Variants in PXDNL observed in about 807,000 individuals in gnomAD.
PXDNL encodes the protein peroxidasin like.
PXDNL carries 145 observed loss-of-function variants against 150.8 expected under a neutral mutation model. The ratio of observed to expected loss-of-function variants is 0.96; its 90% CI spans 0.84 to 1.10. The LOEUF (loss-of-function observed/expected upper bound fraction) is 1.10, where lower values mean the gene tolerates loss of function less well. Among genes scored for constraint, PXDNL ranks in the 50% least tolerant of loss-of-function variants. The pLI, the probability that PXDNL is intolerant of heterozygous loss-of-function variation, is 0.00. For missense variants in PXDNL, 2,087 were observed against 1,873.9 expected (o/e 1.11, Z -2.10); for synonymous variants, 757 against 725.7 (o/e 1.04, Z -0.69).
At chr8:51,403,897 G>C (rs780771754) in intron 17 of PXDNL, among the ~76,000 whole-genome samples, 9 of 152,208 alleles carry the variant, frequency 5.9e-5, no homozygotes, top group Admixed American at 5.9e-4. Context: ...AGGTCTTAAA[G>C]GTGGTGTGTC....
chr8:51,564,210 A>G (rs1812768272), intron 3 of PXDNL, among the ~76,000 whole-genome samples: 1 of 152,158 alleles, frequency 6.6e-6, no homozygotes, highest in South Asian at 2.1e-4. Context: ...AAAGTATATG[A>G]CACAATGTTT....
At chr8:51,583,702 T>C (rs1331133867) in intron 3 of PXDNL, among the ~76,000 whole-genome samples, 4 of 152,288 alleles carry the variant, frequency 2.6e-5, no homozygotes, top group Admixed American at 1.3e-4. Flanking sequence ...ATGGTAGGTG[T>C]TTATTACATT....
intron 3 of PXDNL, among the ~76,000 whole-genome samples, chr8:51,591,553 C>T (rs1813444232): frequency 7.3e-6 from 1 of 137,006 alleles, no homozygotes. Context: ...GAATAATTAA[C>T]TTTTTAGCAG....
intron 1 of PXDNL, among the ~76,000 whole-genome samples, chr8:51,743,105 G>T (rs2036924414): frequency 6.6e-6 from 1 of 151,528 alleles, no homozygotes; most frequent in African/African-American, 2.4e-5. Context: ...AAATTATTTT[G>T]CCATCTCATT....
At chr8:51,573,464 G>A (rs528098152) in intron 3 of PXDNL, among the ~76,000 whole-genome samples, 1 of 152,000 alleles carries the variant, frequency 6.6e-6, no homozygotes, top group Non-Finnish European at 1.5e-5. Context: ...ATGAAGCAGT[G>A]ATGATGCCAC....
In PXDNL at chr8:51,607,936, AAGAG is replaced by A. The variant is rs1345157613; in HGVS notation, c.237-15242_237-15239del. On this transcript the variant is annotated intron_variant, in intron 2 of 22. Coordinates refer to ENST00000356297, the MANE Select transcript of PXDNL (RefSeq NM_144651.5). The stretch of plus-strand genomic sequence containing the variant: ...AGGGAAGGAAGGAAGGAAAGAAAGA[AAGAG>A]AGAGAAAGAAGAAAGAAATAAAGAG... 3.7e-5 allele frequency among the ~76,000 whole-genome samples: 5 copies of A among 136,528 alleles called. 1 individual carries two copies. Among genetic ancestry groups the A allele is most frequent in the African/African-American group, 1.3e-4 (4 of 31,774 alleles). 89.6% of individuals were successfully genotyped at this position (136,528 alleles called of 152,430 possible).
At chr8:51,400,978 C>T (rs1808229522) in intron 17 of PXDNL, among the ~76,000 whole-genome samples, 1 of 152,162 alleles carries the variant, frequency 6.6e-6, no homozygotes, top group Admixed American at 6.5e-5. Flanking sequence ...GAGTCTCACC[C>T]AAGCATGTCC....
intron 19 of PXDNL, among the ~76,000 whole-genome samples, chr8:51,356,266 A>C (rs1210657851): frequency 6.6e-6 from 1 of 152,194 alleles, no homozygotes; most frequent in East Asian, 1.9e-4. Flanking sequence ...AGGAGGGCAG[A>C]TCACCTGAGG....
chr8:51,500,029 G>T (rs1013545722), intron 4 of PXDNL, among the ~76,000 whole-genome samples: 2 of 152,038 alleles, frequency 1.3e-5, no homozygotes, highest in Admixed American at 6.6e-5. Context: ...TTCCCAGGGA[G>T]CCTCTTGAGT....
chr8:51,595,498 C>A (rs1052340097), intron 2 of PXDNL, among the ~76,000 whole-genome samples: 22 of 152,184 alleles, frequency 1.4e-4, no homozygotes, highest in Non-Finnish European at 2.6e-4. Context: ...CATTTAAATG[C>A]AAATAATATA....
At chr8:51,762,785 G>A (rs1308139056) in intron 1 of PXDNL, among the ~76,000 whole-genome samples, 1 of 152,114 alleles carries the variant, frequency 6.6e-6, no homozygotes, top group African/African-American at 2.4e-5. Flanking sequence ...ACGGGCCATC[G>A]TCACTCATAT....
chr8:51,447,620 G>A (rs1046058218), intron 11 of PXDNL, among the ~76,000 whole-genome samples: 1 of 152,082 alleles, frequency 6.6e-6, no homozygotes, highest in African/African-American at 2.4e-5. Context: ...TGACATTCAT[G>A]CTGTTATCTA....
At chr8:51,600,086 C>T (rs1471209070) in intron 2 of PXDNL, among the ~76,000 whole-genome samples, 1 of 137,302 alleles carries the variant, frequency 7.3e-6, no homozygotes, top group Non-Finnish European at 1.5e-5. Flanking sequence ...TAAATGACAT[C>T]GTTTAGATAA....
At chr8:51,675,694 G>A (rs1434556632) in intron 1 of PXDNL, among the ~76,000 whole-genome samples, 1 of 148,148 alleles carries the variant, frequency 6.8e-6, no homozygotes, top group African/African-American at 2.6e-5. Flanking sequence ...TCGGGAGGCT[G>A]AGGCAGGAGA....
rs1346047732 is a variant in PXDNL, at chr8:51,333,566, A to G, written c.4146+6058T>C. Among the ~76,000 whole-genome samples the G allele has an allele frequency of 3.1e-4, 47 of 152,228 alleles. 1 individual carries two copies. Among genetic ancestry groups the G allele is most frequent in the Non-Finnish European group, 4.4e-5 (3 of 68,038 alleles). On this transcript the variant is annotated intron_variant, in intron 21 of 22. Transcript: ENST00000356297. ...AAGATAAGGAACTGCAGAATGGATA[A>G]AAGCTCACCAACCAACTATCTGCTG...
intron 11 of PXDNL, among the ~76,000 whole-genome samples, chr8:51,447,450 T>C (rs1268315300): frequency 1.3e-5 from 2 of 152,236 alleles, no homozygotes; most frequent in African/African-American, 4.8e-5. Context: ...GGCCTTACTA[T>C]AATCAGAAAG....
At chr8:51,486,733 T>C (rs1442436921) in intron 5 of PXDNL, among the ~76,000 whole-genome samples, 1 of 125,684 alleles carries the variant, frequency 8.0e-6, no homozygotes, top group Admixed American at 9.0e-5. Flanking sequence ...AAAGCACTTC[T>C]TCCTATGTTA....
At chr8:51,738,783 G>T (rs917873662) in intron 1 of PXDNL, among the ~76,000 whole-genome samples, 2 of 152,154 alleles carry the variant, frequency 1.3e-5, no homozygotes, top group African/African-American at 4.8e-5. Flanking sequence ...AGTCCCAGAT[G>T]GTTTCACTGG....
intron 21 of PXDNL, among the ~76,000 whole-genome samples, chr8:51,321,810 T>G (rs1805324773): frequency 6.6e-6 from 1 of 152,146 alleles, no homozygotes. Context: ...AGTGTGAGAA[T>G]GAACTAACAC....
Sources: gnomAD v4.1 joint callset for allele counts (sites outside exome capture counted in the v4.1 genomes callset) on GRCh38, gnomAD v4.1.1 for gene constraint, MANE v1.5 for transcripts, NCBI Gene and HGNC (gene_info 2026-07-23, HGNC 2026-07-21) for gene names.